Variants in ZNG1F observed in about 807,000 individuals in gnomAD.
The protein encoded by ZNG1F is Zn regulated GTPase metalloprotein activator 1F, also known as zinc-regulated GTPase metalloprotein activator 1F.
the ZNG1F span, among the ~76,000 whole-genome samples, chr9:41,204,388 TTATA>T: frequency 1.5e-4 from 3 of 20,212 alleles, no homozygotes; most frequent in African/African-American, 2.4e-4. Context: ...AATTTTTATT[TTATA>T]TATATATATA....
At chr9:41,172,882 GT>G in the ZNG1F span, 39 of 93,218 alleles carry the variant, frequency 4.2e-4, no homozygotes, top group African/African-American at 1.6e-3. Flanking sequence ...ACAATGTACT[GT>G]TTTTTTCTCT....
the ZNG1F span, among the ~76,000 whole-genome samples, chr9:41,199,895 C>T: frequency 1.3e-4 from 20 of 148,574 alleles, no homozygotes; most frequent in African/African-American, 4.5e-4. Context: ...ACTTTGGCTC[C>T]TTTCATTCAT....
the ZNG1F span, among the ~76,000 whole-genome samples, chr9:41,201,838 T>C: frequency 2.7e-5 from 4 of 149,642 alleles, no homozygotes; most frequent in African/African-American, 7.4e-5. Flanking sequence ...ACCTATACTA[T>C]AAGATGGTGA....
the ZNG1F span, among the ~76,000 whole-genome samples, chr9:41,187,070 A>G: frequency 6.8e-6 from 1 of 147,630 alleles, no homozygotes; most frequent in Admixed American, 7.1e-5. Flanking sequence ...CTGAAAGGAA[A>G]GGGTGAATGT....
chr9:41,157,211 C>CAGCA, the ZNG1F span: 3 of 146,694 alleles, frequency 2.0e-5, 1 homozygote, highest in South Asian at 2.2e-4. Flanking sequence ...CCTGCAATCC[C>CAGCA]AGCACTTTGG....
At chr9:41,181,228 C>CA in the ZNG1F span, among the ~76,000 whole-genome samples, 3 of 145,808 alleles carry the variant, frequency 2.1e-5, 1 homozygote, top group South Asian at 6.6e-4. Context: ...ATTAAACTCT[C>CA]AAAAGTATCA....
At chr9:41,132,240 A>G in the ZNG1F span, 2 of 1,603,082 alleles carry the variant, frequency 1.2e-6, no homozygotes, top group Non-Finnish European at 1.7e-6. Flanking sequence ...ATGAGGACCA[A>G]TCGATTTGTT....
chr9:41,157,412 C>A, the ZNG1F span: 1 of 138,262 alleles, frequency 7.2e-6, no homozygotes, highest in Non-Finnish European at 1.6e-5. Flanking sequence ...TGCAGTGAGC[C>A]GAGATTGCAC....
the ZNG1F span, among the ~76,000 whole-genome samples, chr9:41,179,025 C>T: frequency 1.6e-5 from 1 of 61,628 alleles, no homozygotes; most frequent in Non-Finnish European, 3.2e-5. Flanking sequence ...AAGTTGAAGC[C>T]AATAATCATT....
chr9:41,154,804 T>C, the ZNG1F span, among the ~76,000 whole-genome samples: 3 of 150,212 alleles, frequency 2.0e-5, no homozygotes, highest in African/African-American at 7.4e-5. Flanking sequence ...TAGCCATATG[T>C]CGAAAGCTGA....
the ZNG1F span, chr9:41,158,841 G>A: frequency 4.7e-5 from 4 of 85,036 alleles, no homozygotes; most frequent in Admixed American, 1.5e-4. Flanking sequence ...AAAACCATGA[G>A]ATCTTTTCCA....
chr9:41,138,935 C>A, the ZNG1F span, among the ~76,000 whole-genome samples: 1 of 135,334 alleles, frequency 7.4e-6, no homozygotes, highest in African/African-American at 3.0e-5. Context: ...TTCTCTGGTG[C>A]CTTAGCTTAA....
the ZNG1F span, chr9:41,145,434 A>C: frequency 2.7e-6 from 1 of 371,924 alleles, no homozygotes; most frequent in Admixed American, 5.0e-5. Context: ...TCCATAACTG[A>C]CTATTCTAAT....
At chr9:41,141,583 CTA>C in the ZNG1F span, among the ~76,000 whole-genome samples, 1 of 110,544 alleles carries the variant, frequency 9.0e-6, no homozygotes, top group Non-Finnish European at 1.9e-5. Flanking sequence ...GGAATTGTCT[CTA>C]AAATAAAATT....
chr9:41,204,388 T>A, the ZNG1F span, among the ~76,000 whole-genome samples: 545 of 20,116 alleles, frequency 0.027, 1 homozygote, highest in South Asian at 0.082. Context: ...AATTTTTATT[T>A]TATATATATA....
the ZNG1F span, chr9:41,171,909 C>T: frequency 5.9e-6 from 1 of 170,644 alleles, no homozygotes; most frequent in Non-Finnish European, 9.7e-6. Flanking sequence ...TGATTTCATT[C>T]TCTTCTGCCT....
the ZNG1F span, among the ~76,000 whole-genome samples, chr9:41,155,332 G>A: frequency 4.3e-4 from 64 of 149,724 alleles, no homozygotes; most frequent in African/African-American, 1.4e-3. Context: ...TTAGAATGGC[G>A]ATCATTAAAA....
the ZNG1F span, chr9:41,165,143 C>G: frequency 5.8e-6 from 8 of 1,383,546 alleles, no homozygotes; most frequent in Middle Eastern, 2.4e-4. Context: ...TACACGCATG[C>G]AGATTAATAC....
chr9:41,140,278 G>T, the ZNG1F span, among the ~76,000 whole-genome samples: 19 of 110,238 alleles, frequency 1.7e-4, 1 homozygote, highest in Non-Finnish European at 2.8e-4. Context: ...TTGCTCCTAG[G>T]CTACAAACCT....
Sources: gnomAD v4.1 joint callset for allele counts (sites outside exome capture counted in the v4.1 genomes callset) on GRCh38, gnomAD v4.1.1 for gene constraint, MANE v1.5 for transcripts, NCBI Gene and HGNC (gene_info 2026-07-23, HGNC 2026-07-21) for gene names.